SYNE1: variants seen among roughly 807,000 people sequenced by gnomAD.
SYNE1 encodes the protein nesprin-1.
In SYNE1, 616 loss-of-function variants were observed where a neutral mutation model predicts 1,111.0. The ratio of observed to expected loss-of-function variants is 0.55; its 90% CI spans 0.52 to 0.59. The LOEUF is 0.59. Ranked by LOEUF, SYNE1 falls within the 20% of genes least tolerant of loss-of-function variation. SYNE1 has a pLI of 0.00. For missense variants in SYNE1, 10,006 were observed against 10,417.0 expected (o/e 0.96, Z 1.72); for synonymous variants, 3,855 against 3,825.8 (o/e 1.01, Z -0.28).
chr6:152,412,966 C>G (rs1039572156), intron 42 of SYNE1, among the ~76,000 whole-genome samples: 2 of 151,054 alleles, frequency 1.3e-5, no homozygotes, highest in South Asian at 4.2e-4. Context: ...ATTCTCCTGC[C>G]TCGGCCTCCC....
At chr6:152,536,328 G>A (rs376516737) in intron 4 of SYNE1, among the ~76,000 whole-genome samples, 10 of 137,002 alleles carry the variant, frequency 7.3e-5, no homozygotes, top group African/African-American at 2.7e-4. Context: ...AATATATATA[G>A]TAATATATAT....
At chr6:152,511,579 C>G (rs2099085192) in intron 6 of SYNE1, 1 of 1,612,710 alleles carries the variant, frequency 6.2e-7, no homozygotes, top group Non-Finnish European at 8.5e-7. Flanking sequence ...ACCGGTGATC[C>G]TCTGTGCATG....
chr6:152,237,047 A>G (rs1271121859), intron 108 of SYNE1, 99 bp from the exon 109 acceptor site: 1 of 1,497,014 alleles, frequency 6.7e-7, no homozygotes, highest in Non-Finnish European at 9.1e-7. Flanking sequence ...CTCTCCTTAA[A>G]GTTATATCAG....
intron 123 of SYNE1, 145 bp downstream of exon 123, chr6:152,213,467 A>T: frequency 4.4e-6 from 4 of 919,358 alleles, no homozygotes; most frequent in Non-Finnish European, 7.2e-6. Flanking sequence ...TCAAAACCTC[A>T]AGCTTAAGAA....
In SYNE1 at chr6:152,283,983, A is replaced by G. The variant is rs995318683; in HGVS notation, c.18202T>C (p.Leu6068=). The part of the protein sequence containing the change: ...RMKASGKRQL[L]EEKLNDQLEE... The stretch of plus-strand genomic sequence containing the variant: ...ACTTTACAGTTATTGGTTACCTCCA[A>G]AAGCTGCCGTTTCCCCGAGGCTTTC... The change falls in exon 96 of 146, where the codon TTG becomes CTG. Residue 6068 remains leucine (L), a synonymous_variant. Transcript: ENST00000367255. 15 of 1,614,170 alleles carry G rather than the reference A, an allele frequency of 9.3e-6. No individual in the cohort carries two copies. The highest frequency in any genetic ancestry group is 1.3e-5 in the Non-Finnish European group (15 of 1,179,998).
At position 152,615,061 on chromosome 6, in the gene SYNE1, C is replaced by T. The variant is rs576736356; in HGVS notation, c.67+13204G>A. Among the ~76,000 whole-genome samples the T allele has an allele frequency of 2.6e-5, 4 of 152,246 alleles. No homozygotes were observed. In the South Asian group the frequency reaches 6.2e-4, roughly 24 times the overall value. ...CAAGTTGATGGGTGCAGCAAACTAA[C>T]ATGGCACATGTATACCTACGTATAA... On this transcript the variant is annotated intron_variant, in intron 3 of 145. Coordinates refer to ENST00000367255, the MANE Select transcript of SYNE1 (RefSeq NM_182961.4).
rs776012634 is a variant in SYNE1 at position 152,398,505 on chromosome 6, G to A, written c.7350+114C>T. On this transcript the variant is annotated intron_variant, in intron 49 of 145. Coordinates refer to ENST00000367255, the MANE Select transcript of SYNE1 (RefSeq NM_182961.4). Reference sequence around the variant, plus strand: ...TGACTCAATCAGCCTAATTCTGTTAGGGACGAGGAAAAGATTGGCTCAGAT... The same window carrying A: ...TGACTCAATCAGCCTAATTCTGTTAAGGACGAGGAAAAGATTGGCTCAGAT... The A allele has an allele frequency of 2.5e-4, 212 of 846,060 alleles. No individual in the cohort carries two copies. The Middle Eastern group carries it at 4.2e-3, about 17-fold the overall frequency. 52.4% of individuals were successfully genotyped at this position (846,060 alleles called of 1,614,324 possible).
intron 14 of SYNE1, 27 bp downstream of exon 14, chr6:152,483,058 G>T (rs374091788): frequency 6.2e-7 from 1 of 1,614,010 alleles, no homozygotes; most frequent in Non-Finnish European, 8.5e-7. Flanking sequence ...CTGTTATGCT[G>T]CAAGGTTTTC....
intron 3 of SYNE1, among the ~76,000 whole-genome samples, chr6:152,577,131 A>G (rs1222094139): frequency 6.6e-6 from 1 of 152,236 alleles, no homozygotes; most frequent in Non-Finnish European, 1.5e-5. Context: ...GACAAAGAAT[A>G]AAACTTGCTG....
At chr6:152,440,705 C>T (rs2098521581) in intron 32 of SYNE1, among the ~76,000 whole-genome samples, 2 of 151,442 alleles carry the variant, frequency 1.3e-5, no homozygotes, top group Admixed American at 1.3e-4. Context: ...GTAGCTGGGA[C>T]TACAGGTGTG....
Position 152,362,242 on chromosome 6 carries a change from T to C in SYNE1, c.10227A>G (p.Glu3409=), listed in dbSNP as rs773127418. The C allele has an allele frequency of 2.5e-6, 4 of 1,614,202 alleles. No homozygotes were observed. In the East Asian group the frequency reaches 8.9e-5, roughly 36 times the overall value. ...RQFSGWMDSM[E]ANLNESERQH... ...GCCTTTCTGATTCATTCAGGTTGGC[T>C]TCCATACTATCCATCCAACCGGAGA... Residue 3409 remains glutamate (E), a synonymous_variant, in exon 64 of 146, where the codon GAA becomes GAG. Transcript: ENST00000367255.
At chr6:152,636,867 G>C (rs2099706716) in intron 1 of SYNE1, 62 bp from the exon 2 acceptor site, 1 of 152,286 alleles carries the variant, frequency 6.6e-6, no homozygotes, top group Non-Finnish European at 1.5e-5. Flanking sequence ...CGGCGCCCGC[G>C]CTCACCCTGG....
At chr6:152,198,951 G>A (rs2074776978) in intron 127 of SYNE1, among the ~76,000 whole-genome samples, 1 of 143,594 alleles carries the variant, frequency 7.0e-6, no homozygotes, top group African/African-American at 2.6e-5. Flanking sequence ...TGGTAGACTT[G>A]TTCTATGCAG....
intron 63 of SYNE1, chr6:152,363,822 C>T (rs1237798171): frequency 2.2e-6 from 1 of 452,230 alleles, no homozygotes; most frequent in Non-Finnish European, 4.4e-6. Flanking sequence ...GAGTTTGTCT[C>T]TAAATACTCC....
In SYNE1 at chr6:152,442,186, C is replaced by T; in HGVS notation, c.3897G>A (p.Ala1299=). 1.9e-6 allele frequency: 3 copies of T among 1,613,692 alleles called. No individual in the cohort carries two copies. Among genetic ancestry groups the T allele is most frequent in the Non-Finnish European group, 2.5e-6 (3 of 1,180,046 alleles). Residue 1299 remains alanine (A), a synonymous_variant, in exon 31 of 146, where the codon GCG becomes GCA. Transcript: ENST00000367255. The stretch of plus-strand genomic sequence containing the variant: ...CAGGCAGCCCCCCTTCTCCCTGCTG[C>T]GCCTGCGCGATCTGCTGCTGCACAT... ...KRDVQQQIAQ[A]QQGEGGLPDR... is the part of the protein sequence containing the mutation.
At position 152,325,169 on chromosome 6, in the gene SYNE1, C is replaced by T. The variant is rs1417065548; in HGVS notation, c.15572G>A (p.Arg5191His). ...LSRSMTTVWQ[R>H]WTRLRAVAQD... ...GGCCACAGCTCGAAGGCGTGTCCAG[C>T]GCTGCCAGACGGTGGTCATTGACCT... Residue 5191 changes from arginine (R) to histidine (H), a missense_variant, in exon 81 of 146, where the codon CGC becomes CAC. Arg to His is a conservative substitution (Grantham distance 29). This residue lies in a region of SYNE1 where 4,955 missense variants were observed against 5,017.2 expected (regional missense o/e 0.99). Coordinates refer to ENST00000367255, the MANE Select transcript of SYNE1 (RefSeq NM_182961.4). 2.5e-6 allele frequency: 4 copies of T among 1,614,218 alleles called. No homozygotes were observed. The highest frequency in any genetic ancestry group is 3.4e-6 in the Non-Finnish European group (4 of 1,180,040).
At chr6:152,456,166 A>G (rs1450155984) in intron 22 of SYNE1, 122 bp from the exon 23 acceptor site, 2 of 1,035,478 alleles carry the variant, frequency 1.9e-6, no homozygotes, top group African/African-American at 3.2e-5. Flanking sequence ...TCTAACACCA[A>G]TAAGTAAAAC....
chr6:152,373,165 T>C lies in SYNE1; in HGVS notation c.9379A>G (p.Lys3127Glu), dbSNP rs1474201606. 6.2e-7 allele frequency: 1 copy of C among 1,614,086 alleles called. No individual in the cohort carries two copies. Among genetic ancestry groups the C allele is most frequent in the Admixed American group, 1.7e-5 (1 of 60,030 alleles). Residue 3127 changes from lysine to glutamate, a missense_variant, in exon 59 of 146, where the codon AAA (lysine) becomes GAA (glutamate). Lys to Glu is a moderately conservative substitution (Grantham distance 56). Coordinates refer to ENST00000367255, the MANE Select transcript of SYNE1 (RefSeq NM_182961.4). Reference protein sequence around the residue: ...GQHKLNMMLSKGELLSTLLTK... With the variant: ...GQHKLNMMLSEGELLSTLLTK... ...AGCAGGGTACTCAGAAGTTCCCCTTTAGACAGCATCATGTTTAGCTTGTGC... is the reference window on the plus strand; with the variant it reads ...AGCAGGGTACTCAGAAGTTCCCCTTCAGACAGCATCATGTTTAGCTTGTGC...
chr6:152,521,964 A>T (rs2099141997), intron 5 of SYNE1, among the ~76,000 whole-genome samples: 1 of 152,138 alleles, frequency 6.6e-6, no homozygotes, highest in Non-Finnish European at 1.5e-5. Flanking sequence ...CTAAGAGTTT[A>T]GAGTGTTACT....
Sources: gnomAD v4.1 joint callset for allele counts (sites outside exome capture counted in the v4.1 genomes callset) on GRCh38, gnomAD v4.1.1 for gene constraint, gnomAD v4.1.1 regional missense constraint, MANE v1.5 for transcripts, NCBI Gene and HGNC (gene_info 2026-07-23, HGNC 2026-07-21) for gene names.